GTPBP10: variants seen among roughly 807,000 people sequenced by gnomAD.
GTPBP10 encodes the protein GTP-binding protein 10.
A neutral mutation model predicts 44.8 loss-of-function variants in GTPBP10; 38 were observed. The observed-to-expected ratio is 0.85, with a 90% CI of 0.65 to 1.11. The LOEUF (loss-of-function observed/expected upper bound fraction) is 1.11. Among genes scored for constraint, GTPBP10 ranks in the 50% most tolerant of loss-of-function variants. The pLI is 0.00. For missense variants in GTPBP10, 462 were observed against 453.7 expected (o/e 1.02, Z -0.17); for synonymous variants, 152 against 150.6 (o/e 1.01, Z -0.07).
chr7:90,374,421 A>C, intron 6 of GTPBP10, 67 bp downstream of exon 6: 4 of 1,013,488 alleles, frequency 3.9e-6, no homozygotes, highest in Non-Finnish European at 6.1e-6. Context: ...ACGTACTTGG[A>C]TATTATAGTT....
chr7:90,358,502 A>G (rs994603788), intron 4 of GTPBP10, among the ~76,000 whole-genome samples: 4 of 152,202 alleles, frequency 2.6e-5, no homozygotes, highest in Non-Finnish European at 5.9e-5. Flanking sequence ...AAAGCACACA[A>G]AAACATAAAC....
chr7:90,364,863 C>T (rs1360206957), intron 4 of GTPBP10, among the ~76,000 whole-genome samples: 2 of 152,182 alleles, frequency 1.3e-5, no homozygotes, highest in African/African-American at 4.8e-5. Flanking sequence ...TGCCGCCTTG[C>T]AGTTCGATCT....
rs571411611 is a variant in GTPBP10 at position 90,386,337 on chromosome 7, A to G, written c.*1183A>G. ...ATACATGTTCAATGATAGTAAAGATATGACAGAAACTAGAAGATAGCTGTT... is the reference window on the plus strand; with the variant it reads ...ATACATGTTCAATGATAGTAAAGATGTGACAGAAACTAGAAGATAGCTGTT... On this transcript the variant is annotated 3_prime_UTR_variant, in exon 10 of 10. Transcript: ENST00000222511. 2.0e-5 allele frequency: 3 copies of G among 152,366 alleles called. No individual in the cohort carries two copies. The highest frequency in any genetic ancestry group is 2.9e-5 in the Non-Finnish European group (2 of 68,036). The allele number at this position is 152,366 out of a possible 1,614,324, so 9.4% of individuals were successfully genotyped here. A position where few individuals can be genotyped will look rare whatever the true frequency, so the allele number is the denominator to read the frequency against.
Position 90,386,798 on chromosome 7 carries a change from A to G in GTPBP10, c.*1644A>G, listed in dbSNP as rs1796532299. 1 of 152,234 alleles carries G rather than the reference A, an allele frequency of 6.6e-6. No homozygotes were observed. The highest frequency in any genetic ancestry group is 2.1e-4 in the South Asian group (1 of 4,836). 9.4% of individuals were successfully genotyped at this position (152,234 alleles called of 1,614,324 possible). ...TACAAACTGGACATTTTCCCTTTAA[A>G]TGAGTTTTATTATAAAATGTACATA... On this transcript the variant is annotated 3_prime_UTR_variant, in exon 10 of 10. Coordinates refer to ENST00000222511, the MANE Select transcript of GTPBP10 (RefSeq NM_033107.4).
chr7:90,381,101 C>T (rs1393251603), intron 8 of GTPBP10, among the ~76,000 whole-genome samples: 1 of 152,100 alleles, frequency 6.6e-6, no homozygotes, highest in Non-Finnish European at 1.5e-5. Flanking sequence ...AATGGGAATG[C>T]AGAGATCTCT....
intron 8 of GTPBP10, among the ~76,000 whole-genome samples, chr7:90,380,236 G>A (rs1163018374): frequency 6.6e-6 from 1 of 151,872 alleles, no homozygotes. Flanking sequence ...GTGCCACCAC[G>A]CCCATCTAAT....
At chr7:90,375,519 CA>C (rs1796330309) in intron 6 of GTPBP10, among the ~76,000 whole-genome samples, 1 of 151,748 alleles carries the variant, frequency 6.6e-6, no homozygotes, top group Non-Finnish European at 1.5e-5. Context: ...GTGATAATAA[CA>C]GTAAAAGATA....
intron 5 of GTPBP10, among the ~76,000 whole-genome samples, chr7:90,372,496 T>TTTTTTTTTTG (rs1233927234): frequency 1.3e-5 from 2 of 150,344 alleles, no homozygotes; most frequent in Non-Finnish European, 3.0e-5. Context: ...TTTTTTTTTT[T>TTTTTTTTTTG]TGTGGGGACA....
chr7:90,350,625 T>A (rs1022837347), intron 1 of GTPBP10, among the ~76,000 whole-genome samples: 2 of 152,238 alleles, frequency 1.3e-5, no homozygotes, highest in Non-Finnish European at 2.9e-5. Context: ...TTAGTCTATG[T>A]TTTTAAAATA....
At position 90,374,431 on chromosome 7, in the gene GTPBP10, T is replaced by A. The variant is rs17865176; in HGVS notation, c.591+77T>A. The A allele has an allele frequency of 4.2e-3, 3,937 of 928,982 alleles. 85 individuals are homozygous for A. The African/African-American group carries it at 0.052, about 12-fold the overall frequency. 57.5% of individuals were successfully genotyped at this position (928,982 alleles called of 1,614,324 possible). A position where few individuals can be genotyped will look rare whatever the true frequency, so the allele number is the denominator to read the frequency against. ...TTGGTACGTACTTGGATATTATAGTTTTTGCCTGTTTCTGTGGTGTTAGGG... is the reference window on the plus strand; with the variant it reads ...TTGGTACGTACTTGGATATTATAGTATTTGCCTGTTTCTGTGGTGTTAGGG... On this transcript the variant is annotated intron_variant, in intron 6 of 9. Transcript: ENST00000222511.
Position 90,382,996 on chromosome 7 carries a change from C to T in GTPBP10, c.818C>T (p.Ala273Val), listed in dbSNP as rs1421482501. The change falls in exon 9 of 10, where the codon GCA becomes GTA. Residue 273 changes from alanine (A) to valine (V), a missense_variant. Physicochemically the swap from Ala to Val is moderately conservative, Grantham distance 64 (BLOSUM62 0). Transcript: ENST00000222511. ...LYKEELQTKP[A>V]LLAVNKMDLP... ...AAAGAGGAACTTCAGACAAAACCTG[C>T]ACTCTTGGCAGTTAATAAAATGGAC... 1.4e-5 allele frequency: 22 copies of T among 1,593,648 alleles called. No homozygotes were observed. Among genetic ancestry groups the T allele is most frequent in the Non-Finnish European group, 1.8e-5 (21 of 1,166,890 alleles).
At position 90,385,465 on chromosome 7, in the gene GTPBP10, G is replaced by C. The variant is rs1293865359; in HGVS notation, c.*311G>C. ...CTTGGTGACTGTAATTAACAACAATGTATTTTGAAAGTCACTGAGTAAATT... is the reference window on the plus strand; with the variant it reads ...CTTGGTGACTGTAATTAACAACAATCTATTTTGAAAGTCACTGAGTAAATT... On this transcript the variant is annotated 3_prime_UTR_variant, in exon 10 of 10. Coordinates refer to ENST00000222511, the MANE Select transcript of GTPBP10 (RefSeq NM_033107.4). 2 of 190,184 alleles carry C rather than the reference G, an allele frequency of 1.1e-5. No homozygotes were observed. The highest frequency in any genetic ancestry group is 5.8e-5 in the Admixed American group (1 of 17,270). The allele number at this position is 190,184 out of a possible 1,614,324, so 11.8% of individuals were successfully genotyped here.
At chr7:90,372,281 C>G in intron 5 of GTPBP10, 53 bp downstream of exon 5, 2 of 1,157,176 alleles carry the variant, frequency 1.7e-6, no homozygotes, top group Non-Finnish European at 2.5e-6. Flanking sequence ...CTTTTAAAGA[C>G]TAATATTTCT....
chr7:90,368,818 C>A (rs980795123), intron 4 of GTPBP10, among the ~76,000 whole-genome samples: 1 of 152,204 alleles, frequency 6.6e-6, no homozygotes, highest in African/African-American at 2.4e-5. Flanking sequence ...CATTCTCCAT[C>A]CAGTTTTGTT....
chr7:90,349,322 C>T (rs1795743375), intron 1 of GTPBP10, among the ~76,000 whole-genome samples: 1 of 152,006 alleles, frequency 6.6e-6, no homozygotes, highest in Non-Finnish European at 1.5e-5. Flanking sequence ...AAGGTCCTTG[C>T]GACCCCGTGA....
chr7:90,350,469 A>G (rs1166230804), intron 1 of GTPBP10, among the ~76,000 whole-genome samples: 1 of 32,996 alleles, frequency 3.0e-5, no homozygotes, highest in Non-Finnish European at 5.0e-5. Context: ...ATTCTTGAGG[A>G]ATCTAGAACT....
chr7:90,382,310 G>A (rs1796447033), intron 8 of GTPBP10, among the ~76,000 whole-genome samples: 1 of 151,976 alleles, frequency 6.6e-6, no homozygotes, highest in South Asian at 2.1e-4. Flanking sequence ...TAGAGATGGG[G>A]TCTCGTTATG....
chr7:90,368,610 C>T (rs552686674), intron 4 of GTPBP10, among the ~76,000 whole-genome samples: 5 of 152,128 alleles, frequency 3.3e-5, no homozygotes, highest in African/African-American at 4.8e-5. Flanking sequence ...GCGTGCGTCA[C>T]GAAGTTCTCG....
At chr7:90,372,324 A>G in intron 5 of GTPBP10, 96 bp downstream of exon 5, 1 of 885,090 alleles carries the variant, frequency 1.1e-6, no homozygotes. Context: ...CTCGGAGGGT[A>G]TCCTTAACTG....
Sources: allele counts gnomAD v4.1 joint callset (sites outside exome capture counted in the v4.1 genomes callset), GRCh38; gene constraint gnomAD v4.1.1; transcripts MANE v1.5; gene names NCBI Gene and HGNC (gene_info 2026-07-23, HGNC 2026-07-21).